Variants in PABPN1 observed in about 807,000 individuals in gnomAD.
PABPN1 encodes poly(A) binding protein nuclear 1.
Under a neutral mutation model 33.4 loss-of-function variants are expected in PABPN1, and 5 were observed. The observed-to-expected ratio is 0.15, with a 90% confidence interval of 0.08 to 0.32. PABPN1 has a LOEUF of 0.32. PABPN1 is among the 10% of genes least tolerant of loss of function. The probability of loss-of-function intolerance (pLI) is 1.00; values close to 1 mark genes in which losing one functional copy is unlikely to be tolerated. For synonymous variants in PABPN1, 176 were observed against 170.6 expected (o/e 1.03, Z -0.25); for missense variants, 312 against 425.8 (o/e 0.73, Z 2.35).
chr14:23,322,944 G>C, intron 2 of PABPN1, 55 bp from the exon 3 acceptor site: 1 of 1,610,992 alleles, frequency 6.2e-7, no homozygotes, highest in Non-Finnish European at 8.5e-7. Flanking sequence ...GCAACATATT[G>C]GTCAAGTAGA....
intron 2 of PABPN1, chr14:23,322,666 T>C (rs559414951): frequency 1.8e-4 from 84 of 464,004 alleles, no homozygotes; most frequent in Non-Finnish European, 2.9e-4. Context: ...GTTTCCCCTT[T>C]AATCTAGAAA....
At position 23,325,645 on chromosome 14, in the gene PABPN1, T is replaced by C. The variant is rs985583132; in HGVS notation, c.*359T>C. The C allele has an allele frequency of 4.0e-5, 9 of 224,186 alleles. No individual in the cohort carries two copies. Among genetic ancestry groups the C allele is most frequent in the South Asian group, 6.5e-5 (1 of 15,494 alleles). 13.9% of individuals were successfully genotyped at this position (224,186 alleles called of 1,614,324 possible). On this transcript the variant is annotated 3_prime_UTR_variant, in exon 7 of 7. Transcript: ENST00000216727. ...GTGGGTGGTAGGAGGTTTTTTTTTTTACCCAGGGCTCTGGAAGGACACCAA... is the reference window on the plus strand; with the variant it reads ...GTGGGTGGTAGGAGGTTTTTTTTTTCACCCAGGGCTCTGGAAGGACACCAA...
intron 4 of PABPN1, 109 bp downstream of exon 4, chr14:23,323,592 GTCAT>G: frequency 2.9e-6 from 3 of 1,051,022 alleles, no homozygotes; most frequent in Non-Finnish European, 4.3e-6. Context: ...GGTGATCTGT[GTCAT>G]TTAAGATCAT....
intron 1 of PABPN1, 143 bp downstream of exon 1, chr14:23,321,963 G>C: frequency 3.8e-6 from 3 of 782,376 alleles, no homozygotes; most frequent in Non-Finnish European, 6.0e-6. Flanking sequence ...GCCGGGGATG[G>C]GTCAGCGATC....
intron 2 of PABPN1, 129 bp from the exon 3 acceptor site, chr14:23,322,870 G>A: frequency 8.4e-7 from 1 of 1,190,768 alleles, no homozygotes; most frequent in Non-Finnish European, 1.3e-6. Context: ...GGTACAGCAG[G>A]GAACAGCACA....
rs1888270017 is a variant in PABPN1 at position 23,321,561 on chromosome 14, C to T, written c.92C>T (p.Ala31Val). 7.1e-7 allele frequency: 1 copy of T among 1,417,090 alleles called. No homozygotes were observed. Among genetic ancestry groups the T allele is most frequent in the South Asian group, 1.5e-5 (1 of 65,528 alleles). The allele number at this position is 1,417,090 out of a possible 1,614,324, so 87.8% of individuals were successfully genotyped here. A position where few individuals can be genotyped will look rare whatever the true frequency, so the allele number is the denominator to read the frequency against. ...CGGCGGCGCCATCTTGTGCCCGGGG[C>T]CGGTGGGGAGGCCGGGGAGGGGGCC... ...PGRRRHLVPGAGGEAGEGAPG... is the reference protein window; with the variant it reads ...PGRRRHLVPGVGGEAGEGAPG... The change falls in exon 1 of 7, where the codon GCC becomes GTC. Residue 31 changes from alanine to valine, a missense_variant. By Grantham distance (64) the Ala-to-Val change is moderately conservative. Transcript: ENST00000216727.
chr14:23,322,307 G>A lies in PABPN1; in HGVS notation c.466+12G>A, dbSNP rs1266062463. On this transcript the variant is annotated intron_variant, in intron 2 of 6. Coordinates refer to ENST00000216727, the MANE Select transcript of PABPN1 (RefSeq NM_004643.4). ...ACCTCCAGGCAATGGTGAGTAACTG[G>A]CGGTTGCACGCGGAGCCCGGGTTCT... is the stretch of plus-strand genomic sequence containing the variant. 6.3e-7 allele frequency: 1 copy of A among 1,584,546 alleles called. No homozygotes were observed.
chr14:23,323,154 A>G (rs937277420), intron 3 of PABPN1, 88 bp downstream of exon 3: 28 of 1,584,142 alleles, frequency 1.8e-5, no homozygotes, highest in Non-Finnish European at 2.4e-5. Flanking sequence ...TCTCCGGGAT[A>G]GATGTGGTTT....
In PABPN1 at chr14:23,325,064, C is replaced by T. The variant is rs541732607; in HGVS notation, c.882-183C>T. ...TGGCAGTTTTCTGTTAAGCCCCCCTCCCCCTGCCCCAGTTCTCCAGGTGCG... is the reference window on the plus strand; with the variant it reads ...TGGCAGTTTTCTGTTAAGCCCCCCTTCCCCTGCCCCAGTTCTCCAGGTGCG... On this transcript the variant is annotated intron_variant, in intron 6 of 6. Coordinates refer to ENST00000216727, the MANE Select transcript of PABPN1 (RefSeq NM_004643.4). 4.6e-3 allele frequency: 3,341 copies of T among 729,748 alleles called. 13 individuals carry two copies. The highest frequency in any genetic ancestry group is 6.0e-3 in the Non-Finnish European group (2,825 of 469,792). 45.2% of individuals were successfully genotyped at this position (729,748 alleles called of 1,614,324 possible).
chr14:23,325,465 T>A lies in PABPN1; in HGVS notation c.*179T>A. On this transcript the variant is annotated 3_prime_UTR_variant, in exon 7 of 7. Transcript: ENST00000216727. ...CATAACTAACTGCTGAGGAGGGACC[T>A]GCTTTGGGGAGTAGGGGAAGGCCCA... 1 of 779,918 alleles carries A rather than the reference T, an allele frequency of 1.3e-6. No homozygotes were observed. Among genetic ancestry groups the A allele is most frequent in the South Asian group, 2.0e-5 (1 of 50,822 alleles). 48.3% of individuals were successfully genotyped at this position (779,918 alleles called of 1,614,324 possible). A position where few individuals can be genotyped will look rare whatever the true frequency, so the allele number is the denominator to read the frequency against.
chr14:23,324,838 T>C (rs1168083571), intron 6 of PABPN1: 2 of 237,304 alleles, frequency 8.4e-6, no homozygotes, highest in South Asian at 7.1e-5. Context: ...TTCACTTCTG[T>C]CTCTACATTT....
At position 23,325,349 on chromosome 14, in the gene PABPN1, T is replaced by TAAAA; in HGVS notation, c.*74_*77dup. 3.7e-6 allele frequency: 4 copies of TAAAA among 1,092,186 alleles called. No individual in the cohort carries two copies. The highest frequency in any genetic ancestry group is 1.7e-5 in the South Asian group (1 of 57,152). The allele number at this position is 1,092,186 out of a possible 1,614,324, so 67.7% of individuals were successfully genotyped here. A position where few individuals can be genotyped will look rare whatever the true frequency, so the allele number is the denominator to read the frequency against. Reference sequence around the variant, plus strand: ...AGGAAAGAAGGAAAAAAAAAAGAATTAAAAAAAAAAAAAAGAAAAACAGAA... The same window carrying TAAAA: ...AGGAAAGAAGGAAAAAAAAAAGAATTAAAAAAAAAAAAAAAAAAGAAAAACAGAA... On this transcript the variant is annotated 3_prime_UTR_variant, in exon 7 of 7. Coordinates refer to ENST00000216727, the MANE Select transcript of PABPN1 (RefSeq NM_004643.4).
Position 23,325,472 on chromosome 14 carries a change from G to T in PABPN1, c.*186G>T. ...AACTGCTGAGGAGGGACCTGCTTTG[G>T]GGAGTAGGGGAAGGCCCAGGGAGTG... On this transcript the variant is annotated 3_prime_UTR_variant, in exon 7 of 7. Transcript: ENST00000216727. 3 of 760,760 alleles carry T rather than the reference G, an allele frequency of 3.9e-6. No individual in the cohort carries two copies. Among genetic ancestry groups the T allele is most frequent in the Non-Finnish European group, 6.1e-6 (3 of 491,320 alleles). 47.1% of individuals were successfully genotyped at this position (760,760 alleles called of 1,614,324 possible).
At chr14:23,321,842 A>G (rs1888306091) in intron 1 of PABPN1, 22 bp downstream of exon 1, 2 of 1,434,168 alleles carry the variant, frequency 1.4e-6, no homozygotes, top group Non-Finnish European at 1.8e-6. Flanking sequence ...AGGGCGAGCG[A>G]GCAGGCCGGC....
chr14:23,322,550 A>G (rs572010966), intron 2 of PABPN1: 73 of 528,890 alleles, frequency 1.4e-4, no homozygotes, highest in Non-Finnish European at 2.0e-4. Context: ...GTCTACGTCT[A>G]TCTTTCTTTG....
intron 3 of PABPN1, 145 bp from the exon 4 acceptor site, chr14:23,323,232 G>A (rs1888459147): frequency 7.8e-7 from 1 of 1,286,168 alleles, no homozygotes; most frequent in East Asian, 2.4e-5. Context: ...CAAAGGCTCT[G>A]GGTTTGGAAG....
At chr14:23,323,659 A>T (rs895630660) in intron 4 of PABPN1, among the ~76,000 whole-genome samples, 176 bp downstream of exon 4, 4 of 152,236 alleles carry the variant, frequency 2.6e-5, no homozygotes, top group Admixed American at 2.6e-4. Context: ...CAGAGGCCAG[A>T]TAACAAAAAT....
Position 23,325,322 on chromosome 14 carries a change from A to C in PABPN1, c.*36A>C. 6.4e-7 allele frequency: 1 copy of C among 1,568,026 alleles called. No individual in the cohort carries two copies. The highest frequency in any genetic ancestry group is 8.6e-7 in the Non-Finnish European group (1 of 1,161,020). On this transcript the variant is annotated 3_prime_UTR_variant, in exon 7 of 7. Coordinates refer to ENST00000216727, the MANE Select transcript of PABPN1 (RefSeq NM_004643.4). ...TATTAGGAGGAGAGAGAGGAAAAAA[A>C]GAGGAAAGAAGGAAAAAAAAAAGAA...
In PABPN1 at chr14:23,325,396, A is replaced by G; in HGVS notation, c.*110A>G. 1 of 1,351,210 alleles carries G rather than the reference A, an allele frequency of 7.4e-7. No homozygotes were observed. Among genetic ancestry groups the G allele is most frequent in the Non-Finnish European group, 1.0e-6 (1 of 999,212 alleles). 83.7% of individuals were successfully genotyped at this position (1,351,210 alleles called of 1,614,324 possible). A position where few individuals can be genotyped will look rare whatever the true frequency, so the allele number is the denominator to read the frequency against. On this transcript the variant is annotated 3_prime_UTR_variant, in exon 7 of 7. Transcript: ENST00000216727. ...AGAAGATGACCTTGATGGAAAAAAA[A>G]TATTTTTTAAAAAAAAGATATACTG...
Sources: allele counts gnomAD v4.1 joint callset (sites outside exome capture counted in the v4.1 genomes callset), GRCh38; gene constraint gnomAD v4.1.1; transcripts MANE v1.5; gene names NCBI Gene and HGNC (gene_info 2026-07-23, HGNC 2026-07-21).